PSTPIP2: variants seen among roughly 807,000 people sequenced by gnomAD.
The protein encoded by PSTPIP2 is proline-serine-threonine phosphatase interacting protein 2.
PSTPIP2 carries 33 observed loss-of-function variants against 63.3 expected under a neutral mutation model. The observed-to-expected ratio is 0.52, with a 90% confidence interval of 0.40 to 0.70. The LOEUF (loss-of-function observed/expected upper bound fraction) is 0.70. Among genes scored for constraint, PSTPIP2 ranks in the 30% least tolerant of loss-of-function variants. PSTPIP2 has a pLI of 0.00. For synonymous variants in PSTPIP2, 125 were observed against 132.7 expected, an observed-to-expected ratio of 0.94 and a Z score of 0.40; for missense variants, 312 against 400.7, an observed-to-expected ratio of 0.78 and a Z score of 1.89.
At position 46,035,438 on chromosome 18, in the gene PSTPIP2, G is replaced by A. The variant is rs866126137; in HGVS notation, c.134+4509C>T. Reference sequence around the variant, plus strand: ...CTGTCTTAAAAAAAAAAAAAGAAAAGAGAGAGAGAGAGAAATAAAAGAAGA... The same window carrying A: ...CTGTCTTAAAAAAAAAAAAAGAAAAAAGAGAGAGAGAGAAATAAAAGAAGA... On this transcript the variant is annotated intron_variant, in intron 2 of 14. Coordinates refer to ENST00000409746, the MANE Select transcript of PSTPIP2 (RefSeq NM_024430.4). 2.4e-3 allele frequency among the ~76,000 whole-genome samples: 316 copies of A among 134,384 alleles called. 6 individuals are homozygous for A. The highest frequency in any genetic ancestry group is 0.01 in the African/African-American group (303 of 29,248). 88.2% of individuals were successfully genotyped at this position (134,384 alleles called of 152,430 possible).
At chr18:46,066,248 G>C (rs564501272) in intron 1 of PSTPIP2, among the ~76,000 whole-genome samples, 35 of 152,204 alleles carry the variant, frequency 2.3e-4, no homozygotes, top group African/African-American at 8.2e-4. Flanking sequence ...GATTGCTTGA[G>C]CCCAGGAGTT....
At chr18:46,067,019 C>G (rs1232304995) in intron 1 of PSTPIP2, among the ~76,000 whole-genome samples, 1 of 125,698 alleles carries the variant, frequency 8.0e-6, no homozygotes, top group Non-Finnish European at 1.7e-5. Flanking sequence ...AAAAGTGAAA[C>G]TCCATCTCAA....
At chr18:46,050,985 C>A (rs1452760423) in intron 1 of PSTPIP2, among the ~76,000 whole-genome samples, 1 of 152,034 alleles carries the variant, frequency 6.6e-6, no homozygotes, top group East Asian at 1.9e-4. Flanking sequence ...GCCTCAACCT[C>A]CCAAGTAGCT....
At chr18:46,042,331 C>T (rs962106701) in intron 1 of PSTPIP2, among the ~76,000 whole-genome samples, 1 of 152,146 alleles carries the variant, frequency 6.6e-6, no homozygotes, top group African/African-American at 2.4e-5. Flanking sequence ...TCAGCAGCAG[C>T]TCTAAGATGA....
intron 3 of PSTPIP2, among the ~76,000 whole-genome samples, chr18:46,018,393 T>C (rs1368773790): frequency 6.6e-6 from 1 of 151,858 alleles, no homozygotes; most frequent in Non-Finnish European, 1.5e-5. Context: ...GTATCTTTCG[T>C]TGATATCTTT....
chr18:46,037,658 C>T (rs1908029248), intron 2 of PSTPIP2, among the ~76,000 whole-genome samples: 1 of 152,174 alleles, frequency 6.6e-6, no homozygotes, highest in Non-Finnish European at 1.5e-5. Flanking sequence ...ATTGGAGGAA[C>T]AAACACACAG....
intron 1 of PSTPIP2, among the ~76,000 whole-genome samples, chr18:46,055,929 C>T (rs986423476): frequency 6.6e-6 from 1 of 152,220 alleles, no homozygotes; most frequent in African/African-American, 2.4e-5. Flanking sequence ...AGCAGGCAAA[C>T]AAGCTTCTAC....
intron 3 of PSTPIP2, among the ~76,000 whole-genome samples, chr18:46,016,510 C>A (rs892057363): frequency 6.6e-6 from 1 of 152,170 alleles, no homozygotes; most frequent in Admixed American, 6.5e-5. Context: ...AAACCATGGG[C>A]CAGGCATTGT....
intron 3 of PSTPIP2, among the ~76,000 whole-genome samples, chr18:46,022,258 T>C (rs1225267785): frequency 1.4e-5 from 2 of 142,736 alleles, no homozygotes; most frequent in Non-Finnish European, 3.1e-5. Flanking sequence ...CCTTTCTTTG[T>C]AGTCTAGGAT....
In PSTPIP2 at chr18:45,991,966, T is replaced by C. The variant is rs1208695245; in HGVS notation, c.856A>G (p.Asn286Asp). The part of the protein sequence containing the change: ...QIPPAPIMYE[N>D]FYSSQKNAVP... ...GCATTCTTCTGGGAGGAGTAGAAAT[T>C]CTCATACATGATGGGTGCTAGGAGA... The change falls in exon 12 of 15, where the codon AAT becomes GAT. Residue 286 changes from asparagine (N) to aspartate (D), a missense_variant. By Grantham distance (23) the Asn-to-Asp change is conservative. Coordinates refer to ENST00000409746, the MANE Select transcript of PSTPIP2 (RefSeq NM_024430.4). The C allele has an allele frequency of 1.2e-5, 20 of 1,613,456 alleles. No homozygotes were observed. Among genetic ancestry groups the C allele is most frequent in the Non-Finnish European group, 1.7e-5 (20 of 1,179,516 alleles).
chr18:46,067,027 C>CAAAA (rs35558747), intron 1 of PSTPIP2, among the ~76,000 whole-genome samples: 175 of 130,068 alleles, frequency 1.3e-3, no homozygotes, highest in Non-Finnish European at 2.4e-3. Flanking sequence ...AACTCCATCT[C>CAAAA]AAAAAAAAAA....
Position 45,991,943 on chromosome 18 carries a change from ATTC to A in PSTPIP2, c.876_878del (p.Lys292del). On this transcript the variant is annotated inframe_deletion, in exon 12 of 15. Transcript: ENST00000409746. ...CTGTAGCCTTTCCTGCTGGGACTGCATTCTTCTGGGAGGAGTAGAAATTCTCAT... is the reference window on the plus strand; with the variant it reads ...CTGTAGCCTTTCCTGCTGGGACTGCATTCTGGGAGGAGTAGAAATTCTCAT... 1.2e-6 allele frequency: 2 copies of A among 1,613,824 alleles called. No homozygotes were observed. The highest frequency in any genetic ancestry group is 1.7e-6 in the Non-Finnish European group (2 of 1,179,692).
chr18:46,054,259 G>C (rs1414756910), intron 1 of PSTPIP2, among the ~76,000 whole-genome samples: 1 of 152,098 alleles, frequency 6.6e-6, no homozygotes, highest in East Asian at 1.9e-4. Context: ...TGACCAAAAC[G>C]TCATTATGTG....
At chr18:46,048,478 A>G (rs1417264958) in intron 1 of PSTPIP2, among the ~76,000 whole-genome samples, 3 of 152,230 alleles carry the variant, frequency 2.0e-5, no homozygotes, top group African/African-American at 7.2e-5. Context: ...AACCACCTTG[A>G]CCAAAGGATC....
intron 6 of PSTPIP2, among the ~76,000 whole-genome samples, chr18:46,001,533 T>C (rs1411898425): frequency 2.0e-5 from 3 of 152,214 alleles, no homozygotes; most frequent in African/African-American, 7.2e-5. Flanking sequence ...GCATATTTTC[T>C]CCCATTGTAA....
chr18:45,991,830 G>A, intron 12 of PSTPIP2, 72 bp downstream of exon 12: 1 of 1,403,010 alleles, frequency 7.1e-7, no homozygotes, highest in South Asian at 1.3e-5. Flanking sequence ...ATTCTAACAT[G>A]TCTTAGAACA....
chr18:46,013,216 T>C (rs1482228275), intron 4 of PSTPIP2, among the ~76,000 whole-genome samples: 1 of 152,196 alleles, frequency 6.6e-6, no homozygotes, highest in African/African-American at 2.4e-5. Flanking sequence ...GGCCTCACAG[T>C]GCATATAAGG....
chr18:45,987,382 C>A (rs542768556), intron 14 of PSTPIP2, among the ~76,000 whole-genome samples: 43 of 152,182 alleles, frequency 2.8e-4, no homozygotes, highest in African/African-American at 8.4e-4. Context: ...GAGGCTGTTG[C>A]CTTTCTCTGT....
chr18:45,989,861 C>T (rs74330084), intron 13 of PSTPIP2: 6,709 of 152,556 alleles, frequency 0.044, 213 homozygotes, highest in African/African-American at 0.088. Context: ...AGGAAGGGGA[C>T]ACCCGCTTAG....
Sources: allele counts gnomAD v4.1 joint callset (sites outside exome capture counted in the v4.1 genomes callset), GRCh38; gene constraint gnomAD v4.1.1; transcripts MANE v1.5; gene names NCBI Gene and HGNC (gene_info 2026-07-23, HGNC 2026-07-21).